NFIB: variants seen among roughly 807,000 people sequenced by gnomAD.
NFIB encodes nuclear factor I B.
A neutral mutation model predicts 61.5 loss-of-function variants in NFIB; 11 were observed. That is an observed-to-expected ratio of 0.18 (90% CI 0.11 to 0.30). NFIB has a LOEUF of 0.30. Among genes scored for constraint, NFIB ranks in the 10% least tolerant of loss-of-function variants. The pLI is 1.00. For missense variants in NFIB, 471 were observed against 608.9 expected, an observed-to-expected ratio of 0.77 and a Z score of 2.38; for synonymous variants, 260 against 216.5, an observed-to-expected ratio of 1.20 and a Z score of -1.76.
intron 3 of NFIB, among the ~76,000 whole-genome samples, chr9:14,168,100 G>GT (rs1334469105): frequency 6.6e-6 from 1 of 152,212 alleles, no homozygotes; most frequent in African/African-American, 2.4e-5. Flanking sequence ...GAGGATCACT[G>GT]TAAGTATCTC....
intron 2 of NFIB, among the ~76,000 whole-genome samples, 167 bp downstream of exon 2, chr9:14,306,822 G>T (rs1025149342): frequency 6.6e-6 from 1 of 152,082 alleles, no homozygotes; most frequent in East Asian, 1.9e-4. Flanking sequence ...TACATGGCTC[G>T]CACATGGCAG....
chr9:14,264,349 T>C (rs2057023104), intron 2 of NFIB, among the ~76,000 whole-genome samples: 1 of 152,176 alleles, frequency 6.6e-6, no homozygotes, highest in African/African-American at 2.4e-5. Flanking sequence ...TGGAAGGTTA[T>C]TTCTATATTT....
intron 2 of NFIB, among the ~76,000 whole-genome samples, chr9:14,212,098 G>A (rs1334044812): frequency 6.6e-6 from 1 of 152,174 alleles, no homozygotes; most frequent in African/African-American, 2.4e-5. Context: ...CCTTAAAAAT[G>A]AACCATTCTA....
chr9:14,515,115 T>A, the NFIB span, among the ~76,000 whole-genome samples: 1 of 151,884 alleles, frequency 6.6e-6, no homozygotes, highest in Admixed American at 6.6e-5. Flanking sequence ...GGGATGGCGG[T>A]TGTTAGAAAA....
chr9:14,187,857 T>C (rs891536088), intron 2 of NFIB, among the ~76,000 whole-genome samples: 1 of 152,130 alleles, frequency 6.6e-6, no homozygotes, highest in African/African-American at 2.4e-5. Context: ...ATGAATCCCC[T>C]GCAAATATGA....
intron 1 of NFIB, among the ~76,000 whole-genome samples, chr9:14,335,937 C>T (rs2060881294): frequency 6.6e-6 from 1 of 152,070 alleles, no homozygotes; most frequent in African/African-American, 2.4e-5. Context: ...CTTTTTTCCC[C>T]CACTGAATCG....
chr9:14,475,459 AC>A, the NFIB span, among the ~76,000 whole-genome samples: 2 of 152,152 alleles, frequency 1.3e-5, no homozygotes, highest in Non-Finnish European at 2.9e-5. Flanking sequence ...GAAGTTAAAA[AC>A]CTGTAGCAGT....
At chr9:14,263,320 C>T (rs1314774862) in intron 2 of NFIB, among the ~76,000 whole-genome samples, 1 of 150,626 alleles carries the variant, frequency 6.6e-6, no homozygotes, top group Non-Finnish European at 1.5e-5. Context: ...CAAGGATGTT[C>T]ATGAAGAAAT....
chr9:14,308,241 A>G (rs1215784650), intron 1 of NFIB, among the ~76,000 whole-genome samples: 1 of 152,224 alleles, frequency 6.6e-6, no homozygotes, highest in Non-Finnish European at 1.5e-5. Flanking sequence ...CAAAGGACAC[A>G]GCTCGTCGTA....
At chr9:14,195,734 T>A (rs538574843) in intron 2 of NFIB, among the ~76,000 whole-genome samples, 45 of 152,330 alleles carry the variant, frequency 3.0e-4, no homozygotes, top group Admixed American at 2.0e-3. Flanking sequence ...GTGACAACAC[T>A]GTTCAACTTT....
chr9:14,181,050 C>T (rs899438368), intron 2 of NFIB, among the ~76,000 whole-genome samples: 5 of 152,158 alleles, frequency 3.3e-5, no homozygotes. Flanking sequence ...TTTTTTTCAT[C>T]GGGGTTATTC....
At chr9:14,512,128 T>C in the NFIB span, among the ~76,000 whole-genome samples, 1 of 152,190 alleles carries the variant, frequency 6.6e-6, no homozygotes, top group Non-Finnish European at 1.5e-5. Flanking sequence ...GCGTTGTATT[T>C]TCTAACTCTG....
At chr9:14,408,677 T>C in the NFIB span, among the ~76,000 whole-genome samples, 1 of 152,184 alleles carries the variant, frequency 6.6e-6, no homozygotes, top group African/African-American at 2.4e-5. Context: ...GATGTTTTAT[T>C]AGTGTGGAAA....
chr9:14,087,386 G>A lies in NFIB; in HGVS notation c.*923C>T, dbSNP rs2033017189. The A allele has an allele frequency of 1.4e-5, 3 of 207,568 alleles. No individual in the cohort carries two copies. Among genetic ancestry groups the A allele is most frequent in the Non-Finnish European group, 2.0e-5 (2 of 101,598 alleles). The allele number at this position is 207,568 out of a possible 1,614,324, so 12.9% of individuals were successfully genotyped here. On this transcript the variant is annotated 3_prime_UTR_variant, in exon 11 of 11. Coordinates refer to ENST00000380953, the MANE Select transcript of NFIB (RefSeq NM_001190737.2). ...CTCAATTTAGAGTCCAAGGGCTGAA[G>A]GACTTATAATCATGATTCCCCTTTA... is the stretch of plus-strand genomic sequence containing the variant.
At chr9:14,370,860 C>G (rs576046501) in intron 1 of NFIB, among the ~76,000 whole-genome samples, 1 of 152,176 alleles carries the variant, frequency 6.6e-6, no homozygotes, top group East Asian at 1.9e-4. Context: ...TTTGGGAGGC[C>G]GAGGCGGGTG....
intron 1 of NFIB, among the ~76,000 whole-genome samples, chr9:14,388,306 T>G: frequency 6.9e-6 from 1 of 145,134 alleles, no homozygotes; most frequent in African/African-American, 2.5e-5. Context: ...GCCTGGGAGG[T>G]TGAGGCTGCA....
chr9:14,417,716 GTTAGGTATAGTT>G, the NFIB span, among the ~76,000 whole-genome samples: 1 of 148,078 alleles, frequency 6.8e-6, no homozygotes, highest in Non-Finnish European at 1.5e-5. Flanking sequence ...AATACAAGTT[GTTAGGTATAGTT>G]CTAGGTGTCA....
At chr9:14,115,048 G>T (rs1448932692) in intron 9 of NFIB, among the ~76,000 whole-genome samples, 1 of 152,122 alleles carries the variant, frequency 6.6e-6, no homozygotes, top group Non-Finnish European at 1.5e-5. Context: ...TTACTGATGG[G>T]TATTACAAGC....
At chr9:14,372,747 T>C (rs563504938) in intron 1 of NFIB, among the ~76,000 whole-genome samples, 1 of 152,190 alleles carries the variant, frequency 6.6e-6, no homozygotes, top group African/African-American at 2.4e-5. Context: ...GGCATTGCAG[T>C]GTCCCTTTGA....
Sources: allele counts gnomAD v4.1 joint callset (sites outside exome capture counted in the v4.1 genomes callset), GRCh38; gene constraint gnomAD v4.1.1; transcripts MANE v1.5; gene names NCBI Gene and HGNC (gene_info 2026-07-23, HGNC 2026-07-21).